The following TPRG1 variants were observed in gnomAD, a reference collection of about 807,000 sequenced individuals.
TPRG1 encodes the protein tumor protein p63 regulated 1, also known as tumor protein p63-regulated gene 1 protein.
A neutral mutation model predicts 29.3 loss-of-function variants in TPRG1; 29 were observed. The observed-to-expected ratio is 0.99, with a 90% CI of 0.74 to 1.35. The LOEUF (loss-of-function observed/expected upper bound fraction) is 1.35. Ranked by LOEUF, TPRG1 falls within the 40% of genes most tolerant of loss-of-function variation. TPRG1 has a pLI of 0.00. For synonymous variants in TPRG1, 130 were observed against 116.8 expected, an observed-to-expected ratio of 1.11 and a Z score of -0.73; for missense variants, 327 against 335.0, an observed-to-expected ratio of 0.98 and a Z score of 0.19.
At chr3:189,063,355 C>T (rs1007832426) in intron 4 of TPRG1, among the ~76,000 whole-genome samples, 1 of 152,222 alleles carries the variant, frequency 6.6e-6, no homozygotes, top group East Asian at 1.9e-4. Context: ...ACTCCTAGAA[C>T]TCCTAGACAG....
intron 1 of TPRG1, chr3:189,191,064 C>A: frequency 1.4e-6 from 1 of 710,276 alleles, no homozygotes; most frequent in Non-Finnish European, 1.7e-6. Context: ...GTAGTTGTAG[C>A]AGTTCACACG....
At position 189,051,336 on chromosome 3, in the gene TPRG1, GC is replaced by G. The variant is rs562635055; in HGVS notation, c.-463+27391del. Among the ~76,000 whole-genome samples, 4 of 152,018 alleles carry G rather than the reference GC, an allele frequency of 2.6e-5. No homozygotes were observed. In the South Asian group the frequency reaches 8.3e-4, roughly 32 times the overall value. On this transcript the variant is annotated intron_variant, in intron 4 of 10. Coordinates refer to the TPRG1 transcript ENST00000433971. ...ATCAAGAACTCAGCCCCTTTTACAA[GC>G]TGCAAAACAAATAAACAAACAAAAA...
chr3:189,219,683 T>C (rs756181810), intron 3 of TPRG1: 4 of 1,280,736 alleles, frequency 3.1e-6, no homozygotes, highest in African/African-American at 3.1e-5. Flanking sequence ...GAGGTGTCTT[T>C]GTCTACAATG....
At chr3:189,100,330 G>A (rs1447704823) in intron 1 of TPRG1, 2 of 152,116 alleles carry the variant, frequency 1.3e-5, no homozygotes, top group Non-Finnish European at 2.9e-5. Context: ...AGACAGAAAG[G>A]GTATATCTGA....
In TPRG1 at chr3:189,287,381, C is replaced by T. The variant is rs191821240; in HGVS notation, c.480-23005C>T. On this transcript the variant is annotated intron_variant, in intron 4 of 5. Coordinates refer to ENST00000345063, the MANE Select transcript of TPRG1 (RefSeq NM_198485.4). ...AGAAAAAAAGGTTGCACACACAGTA[C>T]CTGTTTCTTTCTTTCTTTCTTTTTT... Among the ~76,000 whole-genome samples the T allele has an allele frequency of 7.3e-5, 11 of 151,588 alleles. No homozygotes were observed. The East Asian group carries it at 2.1e-3, about 29-fold the overall frequency.
chr3:189,030,697 G>A (rs1713884611), intron 4 of TPRG1, among the ~76,000 whole-genome samples: 1 of 152,178 alleles, frequency 6.6e-6, no homozygotes, highest in South Asian at 2.1e-4. Context: ...CTACCCTGAG[G>A]AGTGGAGTGT....
chr3:189,276,446 T>C (rs908058519), intron 4 of TPRG1, among the ~76,000 whole-genome samples: 5 of 152,182 alleles, frequency 3.3e-5, no homozygotes, highest in African/African-American at 1.2e-4. Context: ...AAATTTAGTG[T>C]TGAGTGACTA....
rs144271724 is a variant in TPRG1, at chr3:189,305,174, G to A, written c.480-5212G>A. ...TTAACAGAGACTCTTTGGAGGCCAGGGTAGAAGGAGAGTGAGAAGTCCAGG... is the reference window on the plus strand; with the variant it reads ...TTAACAGAGACTCTTTGGAGGCCAGAGTAGAAGGAGAGTGAGAAGTCCAGG... On this transcript the variant is annotated intron_variant, in intron 4 of 5. Coordinates refer to ENST00000345063, the MANE Select transcript of TPRG1 (RefSeq NM_198485.4). Among the ~76,000 whole-genome samples, 1,282 of 152,240 alleles carry A rather than the reference G, an allele frequency of 8.4e-3. 22 individuals are homozygous for A. The highest frequency in any genetic ancestry group is 0.028 in the African/African-American group (1,162 of 41,532).
At chr3:189,169,105 C>A (rs116300145), upstream of TPRG1, among the ~76,000 whole-genome samples, 2 of 152,112 alleles carry the variant, frequency 1.3e-5, no homozygotes, top group Non-Finnish European at 2.9e-5. Flanking sequence ...TAACAACATA[C>A]GTTATTTCTC....
intron 4 of TPRG1, among the ~76,000 whole-genome samples, chr3:189,060,326 A>C (rs1716020266): frequency 6.6e-6 from 1 of 152,242 alleles, no homozygotes; most frequent in Non-Finnish European, 1.5e-5. Flanking sequence ...ACAAAGCCAC[A>C]GCCAACATCA....
intron 1 of TPRG1, among the ~76,000 whole-genome samples, chr3:189,204,063 CTG>C (rs1414484174): frequency 8.7e-6 from 1 of 115,164 alleles, no homozygotes; most frequent in Non-Finnish European, 1.8e-5. Flanking sequence ...AAAAAAAAAA[CTG>C]AACATCATTT....
In TPRG1 at chr3:189,238,911, T is replaced by G; in HGVS notation, c.479+2T>G. The G allele has an allele frequency of 1.2e-6, 2 of 1,609,538 alleles. No homozygotes were observed. Among genetic ancestry groups the G allele is most frequent in the South Asian group, 1.1e-5 (1 of 90,380 alleles). Reference sequence around the variant, plus strand: ...CTTCCCTGGGATGTCCCTGGACAAGTGAGTATATATCTTATACTTGAAGAA... The same window carrying G: ...CTTCCCTGGGATGTCCCTGGACAAGGGAGTATATATCTTATACTTGAAGAA... On this transcript the variant is annotated splice_donor_variant, in intron 4 of 5. Transcript: ENST00000345063. LOFTEE classifies it high-confidence loss of function.
intron 4 of TPRG1, among the ~76,000 whole-genome samples, chr3:189,057,855 TAC>T: frequency 8.9e-6 from 1 of 111,744 alleles, no homozygotes; most frequent in African/African-American, 5.8e-5. Context: ...TGTATATATA[TAC>T]ACACATACGT....
At chr3:189,039,080 C>G (rs1451997174) in intron 4 of TPRG1, among the ~76,000 whole-genome samples, 2 of 152,188 alleles carry the variant, frequency 1.3e-5, no homozygotes, top group Non-Finnish European at 2.9e-5. Context: ...TATATATACC[C>G]CTTGACCCAG....
chr3:189,058,733 T>A (rs1234930871), intron 4 of TPRG1, among the ~76,000 whole-genome samples: 1 of 152,360 alleles, frequency 6.6e-6, no homozygotes, highest in East Asian at 1.9e-4. Context: ...TTACCCAGTA[T>A]GTGACTAACT....
At position 189,088,969 on chromosome 3, in the gene TPRG1, TATCTATC is replaced by T. The variant is rs1489905164; in HGVS notation, c.-462-38087_-462-38081del. On this transcript the variant is annotated intron_variant, in intron 4 of 10. Transcript: ENST00000433971. ...TGTCAGATATATGTGTATCTATTGA[TATCTATC>T]TATCTATCTATCTATCTATCTATCT... 2.7e-4 allele frequency among the ~76,000 whole-genome samples: 8 copies of T among 29,572 alleles called. No individual in the cohort carries two copies. The African/African-American group carries it at 3.1e-3, about 11-fold the overall frequency. The allele number at this position is 29,572 out of a possible 152,430, so 19.4% of individuals were successfully genotyped here.
chr3:189,189,269 C>T (rs938394095), intron 1 of TPRG1, among the ~76,000 whole-genome samples: 2 of 151,752 alleles, frequency 1.3e-5, no homozygotes, highest in African/African-American at 4.8e-5. Flanking sequence ...CATGCTATGT[C>T]CTTTTTATAG....
At chr3:189,253,248 A>G (rs569392021) in intron 4 of TPRG1, among the ~76,000 whole-genome samples, 2 of 151,832 alleles carry the variant, frequency 1.3e-5, no homozygotes, top group African/African-American at 2.4e-5. Context: ...CCCTGTTCCC[A>G]TATGTTCTCA....
chr3:189,233,669 G>T (rs893757422), intron 3 of TPRG1, among the ~76,000 whole-genome samples: 2 of 152,152 alleles, frequency 1.3e-5, no homozygotes, highest in Admixed American at 6.6e-5. Flanking sequence ...CTGCTCATTT[G>T]TTGAGCCCTT....
Sources: gnomAD v4.1 joint callset for allele counts (sites outside exome capture counted in the v4.1 genomes callset) on GRCh38, gnomAD v4.1.1 for gene constraint, MANE v1.5 for transcripts, NCBI Gene and HGNC (gene_info 2026-07-23, HGNC 2026-07-21) for gene names.